The following AFAP1 variants were observed in gnomAD, a reference collection of about 807,000 sequenced individuals.
AFAP1 encodes actin filament-associated protein 1.
In AFAP1, 75 loss-of-function variants were observed where a neutral mutation model predicts 93.9. That is an observed-to-expected ratio of 0.80 (90% CI 0.66 to 0.97). AFAP1 has a LOEUF of 0.97. AFAP1 is among the 50% of genes least tolerant of loss of function. The probability of loss-of-function intolerance (pLI) is 0.00; values close to 1 mark genes in which losing one functional copy is unlikely to be tolerated. For synonymous variants in AFAP1, 517 were observed against 430.7 expected, an observed-to-expected ratio of 1.20 and a Z score of -2.48; for missense variants, 1,201 against 1,050.8, an observed-to-expected ratio of 1.14 and a Z score of -1.98.
intron 6 of AFAP1, among the ~76,000 whole-genome samples, chr4:7,827,422 T>G (rs1721522319): frequency 1.3e-5 from 2 of 150,796 alleles, no homozygotes. Context: ...AAATACAAAA[T>G]TAGCTGCAGG....
intron 3 of AFAP1, among the ~76,000 whole-genome samples, chr4:7,867,546 C>G (rs986079182): frequency 6.6e-6 from 1 of 152,192 alleles, no homozygotes; most frequent in Non-Finnish European, 1.5e-5. Flanking sequence ...CACCTCTGAA[C>G]TAGTATTGTT....
intron 11 of AFAP1, among the ~76,000 whole-genome samples, chr4:7,792,983 G>T (rs903459945): frequency 6.6e-6 from 1 of 152,174 alleles, no homozygotes; most frequent in Non-Finnish European, 1.5e-5. Flanking sequence ...GTGGAAAAAG[G>T]AAACAATGTC....
intron 1 of AFAP1, among the ~76,000 whole-genome samples, chr4:7,885,499 T>C (rs1718094737): frequency 6.6e-6 from 1 of 152,190 alleles, no homozygotes; most frequent in Admixed American, 6.5e-5. Flanking sequence ...TATGCTGTAA[T>C]AACAGGCTAA....
At chr4:7,885,196 A>T in intron 1 of AFAP1, among the ~76,000 whole-genome samples, 1 of 151,966 alleles carries the variant, frequency 6.6e-6, no homozygotes, top group East Asian at 1.9e-4. Context: ...ATCTTAATTA[A>T]CCTGGACTGT....
intron 6 of AFAP1, among the ~76,000 whole-genome samples, chr4:7,837,119 A>G (rs1712399425): frequency 6.6e-6 from 1 of 152,246 alleles, no homozygotes; most frequent in Non-Finnish European, 1.5e-5. Context: ...GAAATTTAAC[A>G]ATGTACAAAT....
intron 9 of AFAP1, among the ~76,000 whole-genome samples, chr4:7,803,536 C>G (rs559262301): frequency 4.8e-4 from 73 of 151,598 alleles, no homozygotes; most frequent in African/African-American, 1.6e-3. Flanking sequence ...ACAGGGGACC[C>G]GGCCCCGATC....
chr4:7,783,873 G>C (rs948616252), intron 12 of AFAP1, among the ~76,000 whole-genome samples: 7 of 152,204 alleles, frequency 4.6e-5, no homozygotes, highest in African/African-American at 9.6e-5. Context: ...GGGTCTTTGG[G>C]GGGGACGGGC....
intron 1 of AFAP1, among the ~76,000 whole-genome samples, chr4:7,919,737 AC>A (rs1163835615): frequency 2.6e-5 from 4 of 151,828 alleles, no homozygotes; most frequent in African/African-American, 9.7e-5. Context: ...TCAACCCATC[AC>A]CTAGGTATTG....
In AFAP1 at chr4:7,910,986, T is replaced by A. The variant is rs117430464; in HGVS notation, c.-3+28670A>T. Among the ~76,000 whole-genome samples, 30 of 152,252 alleles carry A rather than the reference T, an allele frequency of 2.0e-4. No individual in the cohort carries two copies. In the East Asian group the frequency reaches 5.6e-3, roughly 28 times the overall value. On this transcript the variant is annotated intron_variant, in intron 1 of 17. Coordinates refer to ENST00000420658, the MANE Select transcript of AFAP1 (RefSeq NM_001134647.2). The stretch of plus-strand genomic sequence containing the variant: ...TCTTCCTCTCACTTTTTTCAGCCCC[T>A]TGGCTGACCCAGCATTCCCCAGAAA...
chr4:7,875,097 G>A (rs1004728517), intron 1 of AFAP1, among the ~76,000 whole-genome samples: 4 of 152,234 alleles, frequency 2.6e-5, no homozygotes, highest in Admixed American at 2.0e-4. Context: ...CAGTCATATA[G>A]GTCATGCAGC....
intron 1 of AFAP1, among the ~76,000 whole-genome samples, chr4:7,904,533 G>C (rs1021589514): frequency 7.2e-5 from 11 of 152,130 alleles, no homozygotes; most frequent in African/African-American, 2.4e-4. Context: ...ATCTCGTCTA[G>C]TTCTCGCTGA....
intron 6 of AFAP1, among the ~76,000 whole-genome samples, chr4:7,831,933 C>G (rs1306875772): frequency 6.6e-6 from 1 of 152,132 alleles, no homozygotes; most frequent in Non-Finnish European, 1.5e-5. Context: ...GAGGGAACGG[C>G]AAACTGTCAG....
At position 7,786,296 on chromosome 4, in the gene AFAP1, A is replaced by T. The variant is rs1246539960; in HGVS notation, c.1428T>A (p.Arg476=). ...CTAGATATGGGTTAGCAGATATAACACGCCTGTTCATGAAACTGAAAGAAA... is the reference window on the plus strand; with the variant it reads ...CTAGATATGGGTTAGCAGATATAACTCGCCTGTTCATGAAACTGAAAGAAA... ...AKQTFCFMNR[R]VISANPYLGG... is the part of the protein sequence containing the mutation. Residue 476 remains arginine, a synonymous_variant, in exon 12 of 18, where the codon CGT becomes CGA. Coordinates refer to ENST00000420658, the MANE Select transcript of AFAP1 (RefSeq NM_001134647.2). The T allele has an allele frequency of 6.2e-7, 1 of 1,613,904 alleles. No individual in the cohort carries two copies. Among genetic ancestry groups the T allele is most frequent in the South Asian group, 1.1e-5 (1 of 91,050 alleles).
intron 1 of AFAP1, among the ~76,000 whole-genome samples, chr4:7,885,123 T>C (rs1384692955): frequency 1.3e-5 from 2 of 152,210 alleles, no homozygotes; most frequent in East Asian, 3.8e-4. Flanking sequence ...CAACCTGCTT[T>C]TCAGAAAAAT....
At position 7,872,028 on chromosome 4, in the gene AFAP1, A is replaced by T. The variant is rs780599846; in HGVS notation, c.51T>A (p.His17Gln). 1 of 1,614,132 alleles carries T rather than the reference A, an allele frequency of 6.2e-7. No homozygotes were observed. The highest frequency in any genetic ancestry group is 1.3e-5 in the African/African-American group (1 of 75,018). Residue 17 changes from histidine (H) to glutamine (Q), a missense_variant, in exon 2 of 18, where the codon CAT becomes CAA. Coordinates refer to ENST00000420658, the MANE Select transcript of AFAP1 (RefSeq NM_001134647.2). ...CCCTGACAGTTGAGGTTAGATATTC[A>T]TGGTCCAGGAGTTCAAGAAAGAGAC... is the stretch of plus-strand genomic sequence containing the variant. ...ELRLFLELLD[H>Q]EYLTSTVREK...
At chr4:7,817,772 A>C (rs1720613031) in intron 7 of AFAP1, among the ~76,000 whole-genome samples, 1 of 151,898 alleles carries the variant, frequency 6.6e-6, no homozygotes, top group African/African-American at 2.4e-5. Context: ...AAGTAAAAAA[A>C]AAAAAGCAGT....
At chr4:7,809,810 T>C (rs1414821426) in intron 8 of AFAP1, 47 bp from the exon 9 acceptor site, 2 of 1,568,872 alleles carry the variant, frequency 1.3e-6, no homozygotes, top group African/African-American at 1.4e-5. Flanking sequence ...ATTGTAGATA[T>C]TAATTGAAAA....
chr4:7,773,177 A>C, intron 15 of AFAP1, 167 bp from the exon 16 acceptor site: 3 of 1,060,816 alleles, frequency 2.8e-6, no homozygotes. Flanking sequence ...CTAAGGGATC[A>C]GAGTCCTTCT....
intron 1 of AFAP1, among the ~76,000 whole-genome samples, chr4:7,904,538 C>T (rs998703698): frequency 2.0e-5 from 3 of 152,124 alleles, no homozygotes; most frequent in Non-Finnish European, 4.4e-5. Flanking sequence ...GTCTAGTTCT[C>T]GCTGAAATCC....
Sources: gnomAD v4.1 joint callset for allele counts (sites outside exome capture counted in the v4.1 genomes callset) on GRCh38, gnomAD v4.1.1 for gene constraint, MANE v1.5 for transcripts, NCBI Gene and HGNC (gene_info 2026-07-23, HGNC 2026-07-21) for gene names.